Variants in TFEC observed in about 807,000 individuals in gnomAD.
The protein encoded by TFEC is class E basic helix-loop-helix protein 34.
TFEC carries 31 observed loss-of-function variants against 41.6 expected under a neutral mutation model. The observed-to-expected ratio is 0.74, with a 90% CI of 0.56 to 1.01. The LOEUF is 1.01. Ranked by LOEUF, TFEC falls within the 50% of genes least tolerant of loss-of-function variation. The pLI, the probability that TFEC is intolerant of heterozygous loss-of-function variation, is 0.00. For missense variants in TFEC, 402 were observed against 404.1 expected (o/e 0.99, Z 0.04); for synonymous variants, 143 against 140.6 (o/e 1.02, Z -0.12).
At position 115,940,585 on chromosome 7, in the gene TFEC, C is replaced by T; in HGVS notation, c.1010G>A (p.Ser337Asn). ...PAVSKESSRR[S>N]SFSSDDGDEL is the part of the protein sequence containing the mutation. ...ATCACCATCATCTGAGCTAAAGCTACTTCTCCTACTGCTTTCTTTGGAAAC... is the reference window on the plus strand; with the variant it reads ...ATCACCATCATCTGAGCTAAAGCTATTTCTCCTACTGCTTTCTTTGGAAAC... Residue 337 changes from serine (S) to asparagine (N), a missense_variant, in exon 8 of 8, where the codon AGT (serine) becomes AAT (asparagine). By Grantham distance (46) the Ser-to-Asn change is conservative. Coordinates refer to ENST00000265440, the MANE Select transcript of TFEC (RefSeq NM_012252.4). 1.9e-6 allele frequency: 3 copies of T among 1,613,030 alleles called. No individual in the cohort carries two copies. The highest frequency in any genetic ancestry group is 1.3e-5 in the African/African-American group (1 of 74,986).
chr7:116,112,095 T>C (rs964147174), intron 1 of TFEC: 5 of 858,168 alleles, frequency 5.8e-6, no homozygotes, highest in Non-Finnish European at 5.6e-6. Context: ...AATACTGTTC[T>C]TATTTGATTC....
intron 3 of TFEC, among the ~76,000 whole-genome samples, chr7:116,085,298 C>G (rs1797178179): frequency 6.6e-6 from 1 of 151,838 alleles, no homozygotes; most frequent in Non-Finnish European, 1.5e-5. Context: ...AACAATGCAT[C>G]TGATGTGATT....
intron 1 of TFEC, among the ~76,000 whole-genome samples, chr7:116,010,275 G>C (rs1348009155): frequency 6.6e-6 from 1 of 152,158 alleles, no homozygotes; most frequent in Non-Finnish European, 1.5e-5. Context: ...AAATGCTGAA[G>C]AGTAAATGAG....
chr7:116,110,643 G>A (rs1200648749), intron 3 of TFEC: 1 of 1,115,870 alleles, frequency 9.0e-7, no homozygotes, highest in African/African-American at 1.6e-5. Context: ...AAAACAGACA[G>A]ATTTTCAGAG....
intron 3 of TFEC, among the ~76,000 whole-genome samples, chr7:116,070,801 A>G (rs1261366521): frequency 6.6e-6 from 1 of 151,404 alleles, no homozygotes; most frequent in Non-Finnish European, 1.5e-5. Flanking sequence ...CAAAGTTAAC[A>G]GTGTTATTGT....
intron 3 of TFEC, among the ~76,000 whole-genome samples, chr7:116,071,246 A>T (rs1025279000): frequency 1.3e-5 from 2 of 151,124 alleles, no homozygotes; most frequent in Admixed American, 1.3e-4. Context: ...GATTCTCTGA[A>T]CTTAAGCTTA....
rs187035972 is a variant in TFEC, at chr7:115,995,135, G to A, written c.-72-10622C>T. ...CACCACATGTTCTCACTCATAAGTG[G>A]GAATTGAACAATGAGAACACTTGGA... On this transcript the variant is annotated intron_variant, in intron 1 of 7. Transcript: ENST00000265440. Among the ~76,000 whole-genome samples, 599 of 147,680 alleles carry A rather than the reference G, an allele frequency of 4.1e-3. 9 individuals carry two copies. Among genetic ancestry groups the A allele is most frequent in the Admixed American group, 5.6e-3 (82 of 14,614 alleles).
At chr7:116,105,999 A>G (rs1797708580) in intron 3 of TFEC, among the ~76,000 whole-genome samples, 1 of 152,094 alleles carries the variant, frequency 6.6e-6, no homozygotes, top group African/African-American at 2.4e-5. Flanking sequence ...TCTTTTGTAG[A>G]AAAGGTAGAA....
chr7:116,121,388 T>C (rs1271134495), intron 1 of TFEC: 1 of 151,962 alleles, frequency 6.6e-6, no homozygotes, highest in Non-Finnish European at 1.5e-5. Flanking sequence ...CAATTAGTGG[T>C]TGTCAGAAGC....
At chr7:116,075,111 T>C (rs974165395) in intron 3 of TFEC, among the ~76,000 whole-genome samples, 1 of 152,178 alleles carries the variant, frequency 6.6e-6, no homozygotes, top group Non-Finnish European at 1.5e-5. Flanking sequence ...TGTTCTAAAG[T>C]TAGATTGTGG....
chr7:115,977,171 A>G (rs1237631467), intron 2 of TFEC, among the ~76,000 whole-genome samples: 1 of 152,172 alleles, frequency 6.6e-6, no homozygotes, highest in African/African-American at 2.4e-5. Context: ...AAAGACAAAA[A>G]ACACACCATT....
chr7:116,031,443 A>C (rs1294388725), upstream of TFEC, among the ~76,000 whole-genome samples: 1 of 152,142 alleles, frequency 6.6e-6, no homozygotes, highest in Non-Finnish European at 1.5e-5. Context: ...CAATGTGATA[A>C]AAGAGGTCTC....
chr7:116,078,102 T>C (rs1342998063), intron 3 of TFEC, among the ~76,000 whole-genome samples: 1 of 151,972 alleles, frequency 6.6e-6, no homozygotes, highest in African/African-American at 2.4e-5. Flanking sequence ...TGGAATGAAA[T>C]TTGAAATCAA....
rs539081280 is a variant in TFEC at position 115,942,114 on chromosome 7, A to T, written c.516-74T>A. ...TTCATAAGAACTTACAAAATCTTTT[A>T]CATTAATATGAAATAATGATTTACA... is the stretch of plus-strand genomic sequence containing the variant. On this transcript the variant is annotated intron_variant, in intron 6 of 7. Transcript: ENST00000265440. The T allele has an allele frequency of 7.0e-6, 10 of 1,421,250 alleles. No homozygotes were observed. The African/African-American group carries it at 1.3e-4, about 18-fold the overall frequency. The allele number at this position is 1,421,250 out of a possible 1,614,324, so 88.0% of individuals were successfully genotyped here.
chr7:116,028,428 T>C (rs1795665072), intron 1 of TFEC, among the ~76,000 whole-genome samples: 1 of 152,216 alleles, frequency 6.6e-6, no homozygotes. Context: ...AAGACTACTG[T>C]TAACCTCTCT....
chr7:116,129,586 CTT>C (rs932837265), intron 1 of TFEC, among the ~76,000 whole-genome samples: 13 of 106,878 alleles, frequency 1.2e-4, no homozygotes, highest in South Asian at 3.0e-4. Flanking sequence ...AATATTCTTA[CTT>C]TTTTTTTTTT....
intron 1 of TFEC, among the ~76,000 whole-genome samples, chr7:115,995,508 G>C (rs1482493027): frequency 6.6e-6 from 1 of 152,098 alleles, no homozygotes; most frequent in East Asian, 1.9e-4. Flanking sequence ...GTTGTTACAA[G>C]ATATTTCCCA....
rs181520125 is a variant in TFEC at position 115,971,101 on chromosome 7, C to T, written c.267+3069G>A. On this transcript the variant is annotated intron_variant, in intron 3 of 7. Transcript: ENST00000265440. Reference sequence around the variant, plus strand: ...AATCCATTCACATTTGCTTGGGTAACGACTACTGCTTTCTTGGTTCTCACT... The same window carrying T: ...AATCCATTCACATTTGCTTGGGTAATGACTACTGCTTTCTTGGTTCTCACT... Among the ~76,000 whole-genome samples the T allele has an allele frequency of 1.4e-4, 22 of 152,062 alleles. No individual in the cohort carries two copies. The East Asian group carries it at 3.9e-3, about 27-fold the overall frequency.
chr7:116,058,879 G>A lies in TFEC; in HGVS notation c.198+51829C>T, dbSNP rs142396402. ...TAAAACAGACTTAAATTTGTGAGAT[G>A]CCGATAAAGCAATATTGAGGGACGA... On this transcript the variant is annotated intron_variant, in intron 3 of 8. Transcript: ENST00000484212. Among the ~76,000 whole-genome samples, 939 of 151,808 alleles carry A rather than the reference G, an allele frequency of 6.2e-3. 4 individuals are homozygous for A. Among genetic ancestry groups the A allele is most frequent in the Non-Finnish European group, 0.012 (790 of 67,732 alleles).
Sources: gnomAD v4.1 joint callset for allele counts (sites outside exome capture counted in the v4.1 genomes callset) on GRCh38, gnomAD v4.1.1 for gene constraint, MANE v1.5 for transcripts, NCBI Gene and HGNC (gene_info 2026-07-23, HGNC 2026-07-21) for gene names.